PDE10A: variants seen among roughly 807,000 people sequenced by gnomAD.
The protein encoded by PDE10A is cAMP and cAMP-inhibited cGMP 3',5'-cyclic phosphodiesterase 10A.
Under a neutral mutation model 97.7 loss-of-function variants are expected in PDE10A, and 39 were observed. That is an observed-to-expected ratio of 0.40 (90% CI 0.31 to 0.52). The LOEUF (loss-of-function observed/expected upper bound fraction) is 0.52. Ranked by LOEUF, PDE10A falls within the 20% of genes least tolerant of loss-of-function variation. The pLI is 0.56. For synonymous variants in PDE10A, 371 were observed against 376.8 expected (o/e 0.98, Z 0.18); for missense variants, 731 against 1,047.8 (o/e 0.70, Z 4.17).
At chr6:165,757,767 T>C (rs1793151035) in intron 1 of PDE10A, among the ~76,000 whole-genome samples, 1 of 152,212 alleles carries the variant, frequency 6.6e-6, no homozygotes, top group African/African-American at 2.4e-5. Context: ...AGTAGGGCAA[T>C]TTTCAACTTA....
chr6:165,726,588 C>A (rs1243564853), intron 1 of PDE10A, among the ~76,000 whole-genome samples: 1 of 151,066 alleles, frequency 6.6e-6, no homozygotes. Context: ...CCCCGGTGGT[C>A]CACACCTCCT....
chr6:165,871,624 G>A (rs752947094), intron 1 of PDE10A, among the ~76,000 whole-genome samples: 2 of 152,218 alleles, frequency 1.3e-5, no homozygotes, highest in African/African-American at 2.4e-5. Context: ...GTGCTCTAAA[G>A]GGAGATGTCT....
chr6:165,856,549 A>G (rs78549814), intron 1 of PDE10A, among the ~76,000 whole-genome samples: 6,411 of 152,302 alleles, frequency 0.042, 163 homozygotes, highest in Middle Eastern at 0.078. Context: ...CCATTCTGTA[A>G]ATATGTATGC....
chr6:165,598,662 A>G (rs1786747699), intron 1 of PDE10A, among the ~76,000 whole-genome samples: 1 of 152,224 alleles, frequency 6.6e-6, no homozygotes, highest in South Asian at 2.1e-4. Context: ...TTAATATGCC[A>G]TCTGGAACAC....
intron 18 of PDE10A, among the ~76,000 whole-genome samples, chr6:165,356,028 T>C (rs1452821004): frequency 6.6e-6 from 1 of 152,090 alleles, no homozygotes; most frequent in African/African-American, 2.4e-5. Flanking sequence ...GCAAGTATTA[T>C]ATGGCTGCAG....
At chr6:165,337,573 A>C (rs922143215) in intron 20 of PDE10A, among the ~76,000 whole-genome samples, 1 of 152,268 alleles carries the variant, frequency 6.6e-6, no homozygotes, top group African/African-American at 2.4e-5. Flanking sequence ...AGATACTAAT[A>C]TTAGAAATTA....
intron 1 of PDE10A, among the ~76,000 whole-genome samples, chr6:165,733,409 T>A (rs1792488685): frequency 1.3e-5 from 2 of 152,218 alleles, no homozygotes; most frequent in African/African-American, 4.8e-5. Flanking sequence ...CGATACTGTT[T>A]TCAGTGCTGC....
At chr6:165,929,717 C>T (rs546956042) in intron 1 of PDE10A, among the ~76,000 whole-genome samples, 14 of 152,352 alleles carry the variant, frequency 9.2e-5, no homozygotes, top group East Asian at 3.9e-4. Context: ...TCCCCATGAC[C>T]GCGTCCCCAC....
chr6:165,865,970 C>T lies in PDE10A; in HGVS notation c.-615+121559G>A, dbSNP rs115944085. On this transcript the variant is annotated intron_variant, in intron 1 of 19. Transcript: ENST00000366882. ...TAGATTCACACCAAAAAGGTCTTTT[C>T]CAAGGAATTTTTAGGGTTTAAATTT... Among the ~76,000 whole-genome samples the T allele has an allele frequency of 3.7e-3, 565 of 152,124 alleles. 2 individuals carry two copies. Among genetic ancestry groups the T allele is most frequent in the African/African-American group, 0.013 (549 of 41,506 alleles).
At chr6:165,619,614 C>A (rs542498419) in intron 1 of PDE10A, among the ~76,000 whole-genome samples, 36 of 144,868 alleles carry the variant, frequency 2.5e-4, no homozygotes, top group African/African-American at 9.2e-4. Context: ...GCACTGTAGT[C>A]TAGTGTACTG....
intron 3 of PDE10A, among the ~76,000 whole-genome samples, chr6:165,460,221 C>T (rs1451691180): frequency 6.6e-6 from 1 of 152,134 alleles, no homozygotes; most frequent in African/African-American, 2.4e-5. Flanking sequence ...CCCTTGCCAG[C>T]GGGTACAATA....
intron 1 of PDE10A, chr6:165,910,905 G>A (rs756487997): frequency 6.6e-6 from 1 of 152,164 alleles, no homozygotes; most frequent in Non-Finnish European, 1.5e-5. Context: ...TCAGAGATAC[G>A]ATGGGACTGG....
At chr6:165,494,493 CATA>C (rs1225003304) in intron 2 of PDE10A, among the ~76,000 whole-genome samples, 1 of 144,006 alleles carries the variant, frequency 6.9e-6, no homozygotes, top group Non-Finnish European at 1.5e-5. Flanking sequence ...ACACAACAAA[CATA>C]GTAGTATTCC....
intron 1 of PDE10A, among the ~76,000 whole-genome samples, chr6:165,794,026 G>T (rs2128464117): frequency 6.6e-6 from 1 of 152,248 alleles, no homozygotes; most frequent in South Asian, 2.1e-4. Context: ...CTAGTAGCAA[G>T]CAAAGAGAGA....
At chr6:165,860,909 G>A (rs768417637) in intron 1 of PDE10A, among the ~76,000 whole-genome samples, 2 of 152,194 alleles carry the variant, frequency 1.3e-5, no homozygotes, top group Middle Eastern at 3.2e-3. Context: ...TAAGGTAACA[G>A]CTTAAAAACA....
intron 1 of PDE10A, among the ~76,000 whole-genome samples, chr6:165,960,347 G>C (rs530668123): frequency 2.0e-5 from 3 of 152,330 alleles, no homozygotes; most frequent in Non-Finnish European, 2.9e-5. Flanking sequence ...CGTGGAAAAA[G>C]CTTGAAGACA....
intron 2 of PDE10A, among the ~76,000 whole-genome samples, chr6:165,506,985 T>G (rs1781232793): frequency 6.6e-6 from 1 of 152,130 alleles, no homozygotes; most frequent in African/African-American, 2.4e-5. Context: ...TTCACCCCTT[T>G]AGTAATTGAT....
chr6:165,405,690 T>A (rs1787084054), intron 13 of PDE10A, among the ~76,000 whole-genome samples: 1 of 152,152 alleles, frequency 6.6e-6, no homozygotes, highest in Admixed American at 6.5e-5. Context: ...AAGTAATAGA[T>A]CAGGTTGTAA....
At chr6:165,579,149 G>A (rs2128352922) in intron 1 of PDE10A, among the ~76,000 whole-genome samples, 1 of 152,332 alleles carries the variant, frequency 6.6e-6, no homozygotes. Context: ...CTCAGAGTAA[G>A]CAAAGGCAGT....
Sources: gnomAD v4.1 joint callset for allele counts (sites outside exome capture counted in the v4.1 genomes callset) on GRCh38, gnomAD v4.1.1 for gene constraint, MANE v1.5 for transcripts, NCBI Gene and HGNC (gene_info 2026-07-23, HGNC 2026-07-21) for gene names.